The following FHIT variants were observed in gnomAD, a reference collection of about 807,000 sequenced individuals.
FHIT encodes fragile histidine triad diadenosine triphosphatase.
In FHIT, 19 loss-of-function variants were observed where a neutral mutation model predicts 17.9. The observed-to-expected ratio is 1.06, with a 90% CI of 0.74 to 1.56. FHIT has a LOEUF of 1.56. Ranked by LOEUF, FHIT falls within the 40% of genes most tolerant of loss-of-function variation. The probability of loss-of-function intolerance (pLI) is 0.00; values close to 1 mark genes in which losing one functional copy is unlikely to be tolerated. For synonymous variants in FHIT, 81 were observed against 69.7 expected (o/e 1.16, Z -0.81); for missense variants, 248 against 189.2 (o/e 1.31, Z -1.82).
rs6795591 is a variant in FHIT at position 60,205,605 on chromosome 3, G to A, written c.104-191453C>T. On this transcript the variant is annotated intron_variant, in intron 5 of 9. Transcript: ENST00000492590. ...GGATTCTGGGAGCACTCCAGGAAGA[G>A]GGAGGATAGAGCATGGTGGATGAGG... 2.7e-3 allele frequency among the ~76,000 whole-genome samples: 414 copies of A among 152,094 alleles called. 2 individuals are homozygous for A. Among genetic ancestry groups the A allele is most frequent in the Non-Finnish European group, 4.6e-3 (315 of 68,004 alleles).
intron 4 of FHIT, among the ~76,000 whole-genome samples, chr3:60,543,743 T>TTGTTG (rs1451509154): frequency 1.3e-5 from 2 of 151,808 alleles, no homozygotes; most frequent in African/African-American, 4.8e-5. Context: ...CTCTTTTTTG[T>TTGTTG]TGTTGTTTTG....
chr3:59,888,866 A>G (rs1703735357), intron 8 of FHIT, among the ~76,000 whole-genome samples: 1 of 152,236 alleles, frequency 6.6e-6, no homozygotes, highest in African/African-American at 2.4e-5. Context: ...GAAGTCCCAG[A>G]TCAAGGGGCA....
intron 5 of FHIT, among the ~76,000 whole-genome samples, chr3:60,070,485 A>C (rs770935288): frequency 2.8e-4 from 42 of 152,364 alleles, no homozygotes; most frequent in Non-Finnish European, 4.7e-4. Context: ...TTCATTAATA[A>C]GACTTTTTGA....
chr3:61,011,732 T>G (rs2031801819), intron 3 of FHIT, among the ~76,000 whole-genome samples: 1 of 152,220 alleles, frequency 6.6e-6, no homozygotes, highest in East Asian at 1.9e-4. Flanking sequence ...CAAACAATTG[T>G]CAAAGAATAC....
chr3:59,993,015 T>TA (rs1699354434), intron 7 of FHIT, among the ~76,000 whole-genome samples: 2 of 152,106 alleles, frequency 1.3e-5, no homozygotes, highest in Admixed American at 6.6e-5. Flanking sequence ...TTCTACAAAC[T>TA]AAAAACAAAC....
Position 61,160,002 on chromosome 3 carries a change from G to A in FHIT, c.-164+40615C>T, listed in dbSNP as rs914758513. Among the ~76,000 whole-genome samples the A allele has an allele frequency of 1.1e-4, 17 of 152,260 alleles. No individual in the cohort carries two copies. The East Asian group carries it at 2.3e-3, about 21-fold the overall frequency. On this transcript the variant is annotated intron_variant, in intron 2 of 9. Transcript: ENST00000492590. ...CACTAGGGAATGAAGGAAAGTATGA[G>A]ATAAAGAATATACAACATCTGCCAC...
intron 5 of FHIT, among the ~76,000 whole-genome samples, chr3:60,108,652 C>T (rs2107169995): frequency 6.8e-6 from 1 of 146,722 alleles, no homozygotes; most frequent in Middle Eastern, 3.4e-3. Context: ...TTAATCCTGT[C>T]CCAGTTACTT....
chr3:60,416,705 T>A (rs1015508458), intron 5 of FHIT, among the ~76,000 whole-genome samples: 2 of 152,190 alleles, frequency 1.3e-5, no homozygotes, highest in African/African-American at 4.8e-5. Flanking sequence ...GCTTAGCAGC[T>A]AGCTGTAGTT....
At chr3:59,914,425 G>A (rs1332486267) in intron 8 of FHIT, among the ~76,000 whole-genome samples, 2 of 152,138 alleles carry the variant, frequency 1.3e-5, no homozygotes, top group African/African-American at 4.8e-5. Context: ...AGGCAACTTG[G>A]AGGCCTTAGG....
chr3:60,075,174 G>C (rs78727175), intron 5 of FHIT, among the ~76,000 whole-genome samples: 3 of 152,076 alleles, frequency 2.0e-5, no homozygotes, highest in African/African-American at 7.2e-5. Flanking sequence ...TTTTAAACTA[G>C]AGCTGCTGGG....
At chr3:61,214,639 C>A (rs1232328573) in intron 1 of FHIT, among the ~76,000 whole-genome samples, 1 of 152,164 alleles carries the variant, frequency 6.6e-6, no homozygotes, top group Non-Finnish European at 1.5e-5. Context: ...AAGAGGGAAT[C>A]CTCCCTAACT....
chr3:60,449,885 C>A (rs1382819618), intron 5 of FHIT, among the ~76,000 whole-genome samples: 1 of 151,350 alleles, frequency 6.6e-6, no homozygotes, highest in African/African-American at 2.4e-5. Context: ...CGCCTGTAGT[C>A]CCAGCTACTC....
chr3:59,953,506 C>A (rs1707231544), intron 7 of FHIT, among the ~76,000 whole-genome samples: 2 of 152,316 alleles, frequency 1.3e-5, no homozygotes, highest in South Asian at 4.1e-4. Context: ...CACGCAGACG[C>A]CTACCTTGGT....
chr3:60,674,826 C>T (rs1242660395), intron 4 of FHIT, among the ~76,000 whole-genome samples: 1 of 152,148 alleles, frequency 6.6e-6, no homozygotes, highest in African/African-American at 2.4e-5. Context: ...TGGTGTCTTG[C>T]CCTGCTTATA....
chr3:59,863,493 C>T (rs1404041185), intron 8 of FHIT, among the ~76,000 whole-genome samples: 1 of 152,184 alleles, frequency 6.6e-6, no homozygotes. Flanking sequence ...CATTAGCATC[C>T]ATCACATCTG....
intron 5 of FHIT, among the ~76,000 whole-genome samples, chr3:60,534,439 CAAAAAAAAAAAAAAAAA>C (rs563992117): frequency 6.2e-5 from 2 of 32,384 alleles, no homozygotes; most frequent in Non-Finnish European, 5.2e-5. Context: ...GACTCCGTCT[CAAAAAAAAAAAAAAAAA>C]AAAAAAAGAT....
intron 2 of FHIT, among the ~76,000 whole-genome samples, chr3:61,118,730 G>A (rs926526306): frequency 8.5e-5 from 13 of 152,210 alleles, no homozygotes; most frequent in Admixed American, 3.3e-4. Flanking sequence ...TGTACCTACT[G>A]GAGTGTTGTT....
At chr3:60,062,694 G>C (rs551330229) in intron 5 of FHIT, among the ~76,000 whole-genome samples, 1 of 152,146 alleles carries the variant, frequency 6.6e-6, no homozygotes, top group Non-Finnish European at 1.5e-5. Flanking sequence ...CAGAAACGCT[G>C]TTTGAGAAAT....
chr3:61,049,092 T>C (rs926379919), intron 2 of FHIT, among the ~76,000 whole-genome samples: 1 of 151,884 alleles, frequency 6.6e-6, no homozygotes, highest in East Asian at 1.9e-4. Flanking sequence ...AACCTGCACA[T>C]TGGGCACATG....
Sources: gnomAD v4.1 joint callset for allele counts (sites outside exome capture counted in the v4.1 genomes callset) on GRCh38, gnomAD v4.1.1 for gene constraint, MANE v1.5 for transcripts, NCBI Gene and HGNC (gene_info 2026-07-23, HGNC 2026-07-21) for gene names.